RTF2: variants seen among roughly 807,000 people sequenced by gnomAD.
The protein encoded by RTF2 is UPF0549 protein C20orf43.
Under a neutral mutation model 38.0 loss-of-function variants are expected in RTF2, and 18 were observed. That is an observed-to-expected ratio of 0.47 (90% CI 0.33 to 0.70). The LOEUF (loss-of-function observed/expected upper bound fraction) is 0.70, where lower values mean the gene tolerates loss of function less well. Ranked by LOEUF, RTF2 falls within the 30% of genes least tolerant of loss-of-function variation. The probability of loss-of-function intolerance (pLI) is 0.02; values close to 1 mark genes in which losing one functional copy is unlikely to be tolerated. For synonymous variants in RTF2, 126 were observed against 137.1 expected (o/e 0.92, Z 0.57); for missense variants, 311 against 379.6 (o/e 0.82, Z 1.50).
intron 5 of RTF2, among the ~76,000 whole-genome samples, chr20:56,491,001 G>T (rs1376843339): frequency 6.6e-6 from 1 of 152,234 alleles, no homozygotes; most frequent in Non-Finnish European, 1.5e-5. Flanking sequence ...GACATGTCAA[G>T]ACCGCAGACA....
At chr20:56,478,193 T>TA (rs976468323) in intron 4 of RTF2, among the ~76,000 whole-genome samples, 2 of 152,204 alleles carry the variant, frequency 1.3e-5, no homozygotes, top group Non-Finnish European at 2.9e-5. Flanking sequence ...TTAGTACATA[T>TA]AAAAGTTGCC....
chr20:56,468,646 C>A lies in RTF2; in HGVS notation c.-52C>A. On this transcript the variant is annotated 5_prime_UTR_variant, in exon 1 of 9. Coordinates refer to ENST00000357348, the MANE Select transcript of RTF2 (RefSeq NM_016407.5). ...GTGGCTGCGGATTTCGCCGGAAATCCCGGAAGTGACAGCTTTGGGGGTTTG... is the reference window on the plus strand; with the variant it reads ...GTGGCTGCGGATTTCGCCGGAAATCACGGAAGTGACAGCTTTGGGGGTTTG... The A allele has an allele frequency of 6.6e-7, 1 of 1,512,932 alleles. No individual in the cohort carries two copies. Among genetic ancestry groups the A allele is most frequent in the East Asian group, 2.5e-5 (1 of 40,516 alleles). The allele number at this position is 1,512,932 out of a possible 1,614,324, so 93.7% of individuals were successfully genotyped here.
chr20:56,503,883 G>A (rs185370899), intron 5 of RTF2, among the ~76,000 whole-genome samples: 104 of 152,244 alleles, frequency 6.8e-4, no homozygotes, highest in African/African-American at 2.3e-3. Flanking sequence ...CAGGAGAATC[G>A]CTTGAAATCA....
intron 5 of RTF2, among the ~76,000 whole-genome samples, chr20:56,507,789 G>T (rs979557824): frequency 4.6e-5 from 7 of 152,294 alleles, no homozygotes; most frequent in Admixed American, 4.6e-4. Context: ...CATAGCCACA[G>T]CTCCAGGCCC....
At chr20:56,493,891 T>C (rs114210160) in intron 5 of RTF2, among the ~76,000 whole-genome samples, 178 of 152,282 alleles carry the variant, frequency 1.2e-3, no homozygotes, top group African/African-American at 4.0e-3. Flanking sequence ...GGGATAGCTG[T>C]TCTTCTGCAT....
At chr20:56,508,283 T>G (rs552404007) in intron 5 of RTF2, among the ~76,000 whole-genome samples, 88 of 151,974 alleles carry the variant, frequency 5.8e-4, no homozygotes, top group African/African-American at 2.1e-3. Context: ...GGAAAATCTT[T>G]GGCAACTTCA....
intron 1 of RTF2, among the ~76,000 whole-genome samples, chr20:56,469,427 C>A (rs1280884468): frequency 6.6e-6 from 1 of 152,208 alleles, no homozygotes; most frequent in Admixed American, 6.5e-5. Context: ...ATAATAATTT[C>A]TTTGCTACTG....
intron 5 of RTF2, among the ~76,000 whole-genome samples, chr20:56,503,099 G>A (rs1984026260): frequency 6.6e-6 from 1 of 152,228 alleles, no homozygotes; most frequent in Non-Finnish European, 1.5e-5. Flanking sequence ...GTAACTGCAG[G>A]TGCTGTCTTC....
chr20:56,497,213 A>G lies in RTF2; in HGVS notation c.477+13024A>G, dbSNP rs1052765884. On this transcript the variant is annotated intron_variant, in intron 5 of 8. Coordinates refer to ENST00000357348, the MANE Select transcript of RTF2 (RefSeq NM_016407.5). ...GAATACAATAAACATTTTGAGGTAC[A>G]TAAATAGCTCTGAGAAGCTGCACAA... 3.4e-5 allele frequency: 53 copies of G among 1,551,766 alleles called. 1 individual carries two copies. The Middle Eastern group carries it at 1.2e-3, about 34-fold the overall frequency.
chr20:56,494,527 G>A (rs1025279790), intron 5 of RTF2, among the ~76,000 whole-genome samples: 1 of 152,086 alleles, frequency 6.6e-6, no homozygotes, highest in Non-Finnish European at 1.5e-5. Flanking sequence ...CTAAAGAAAG[G>A]GCAGAGCTCT....
intron 5 of RTF2, among the ~76,000 whole-genome samples, chr20:56,486,387 G>A (rs1261928652): frequency 1.3e-5 from 2 of 152,154 alleles, no homozygotes; most frequent in Non-Finnish European, 2.9e-5. Flanking sequence ...AGTGGCTCAT[G>A]CCTGTAATCC....
At chr20:56,512,885 A>G (rs181237521) in intron 5 of RTF2, among the ~76,000 whole-genome samples, 2 of 152,170 alleles carry the variant, frequency 1.3e-5, no homozygotes, top group Non-Finnish European at 2.9e-5. Context: ...CAGGGAAGCA[A>G]ATGAGAGACT....
chr20:56,518,422 T>C lies in RTF2; in HGVS notation c.*157T>C. 1.5e-6 allele frequency: 1 copy of C among 669,310 alleles called. No homozygotes were observed. The highest frequency in any genetic ancestry group is 2.4e-6 in the Non-Finnish European group (1 of 419,942). 41.5% of individuals were successfully genotyped at this position (669,310 alleles called of 1,614,324 possible). A position where few individuals can be genotyped will look rare whatever the true frequency, so the allele number is the denominator to read the frequency against. ...TTCAAGCTGGTGTGGCCACTCTTGA[T>C]GTGAGGCGTGTCGGTTCCAGGGGGG... On this transcript the variant is annotated 3_prime_UTR_variant, in exon 9 of 9. Transcript: ENST00000357348.
intron 5 of RTF2, among the ~76,000 whole-genome samples, chr20:56,492,610 C>A (rs1983231080): frequency 6.6e-6 from 1 of 151,490 alleles, no homozygotes; most frequent in Admixed American, 6.6e-5. Context: ...CCAGTGGTGA[C>A]TGGATTCCTT....
intron 6 of RTF2, chr20:56,516,713 A>T (rs562261075): frequency 4.8e-4 from 285 of 594,224 alleles, no homozygotes; most frequent in African/African-American, 4.6e-3. Flanking sequence ...CTCTGTGCAG[A>T]TACATTTTTG....
chr20:56,480,989 G>C (rs1417214822), intron 4 of RTF2, among the ~76,000 whole-genome samples: 3 of 152,190 alleles, frequency 2.0e-5, no homozygotes, highest in African/African-American at 4.8e-5. Context: ...GTGAGCACAT[G>C]CTGCTGGGAA....
chr20:56,513,739 G>C (rs1301658774), intron 6 of RTF2: 1 of 276,854 alleles, frequency 3.6e-6, no homozygotes, highest in East Asian at 7.3e-5. Context: ...CACTGACACG[G>C]CCTCAGCAAG....
At chr20:56,486,859 G>A (rs965371410) in intron 5 of RTF2, among the ~76,000 whole-genome samples, 4 of 152,258 alleles carry the variant, frequency 2.6e-5, no homozygotes, top group Admixed American at 1.3e-4. Context: ...GGCAGAAGCA[G>A]CCGGGCAGCC....
At chr20:56,472,416 G>A in intron 1 of RTF2, 1 of 1,524,284 alleles carries the variant, frequency 6.6e-7, no homozygotes, top group Non-Finnish European at 8.9e-7. Flanking sequence ...GGAATATGAT[G>A]TATGTGAAAA....
Sources: gnomAD v4.1 joint callset for allele counts (sites outside exome capture counted in the v4.1 genomes callset) on GRCh38, gnomAD v4.1.1 for gene constraint, MANE v1.5 for transcripts, NCBI Gene and HGNC (gene_info 2026-07-23, HGNC 2026-07-21) for gene names.